The following OSER1 variants were observed in gnomAD, a reference collection of about 807,000 sequenced individuals.
OSER1 encodes the protein oxidative stress-responsive serine-rich protein 1.
OSER1 carries 15 observed loss-of-function variants against 26.3 expected under a neutral mutation model. The ratio of observed to expected loss-of-function variants is 0.57; its 90% confidence interval spans 0.38 to 0.88. OSER1 has a LOEUF of 0.88. OSER1 is among the 40% of genes least tolerant of loss of function. The pLI is 0.00. For missense variants in OSER1, 313 were observed against 353.9 expected, an observed-to-expected ratio of 0.88 and a Z score of 0.93; for synonymous variants, 127 against 128.2, an observed-to-expected ratio of 0.99 and a Z score of 0.07.
chr20:44,206,799 G>C, intron 2 of OSER1, 82 bp downstream of exon 2: 1 of 659,742 alleles, frequency 1.5e-6, no homozygotes, highest in Non-Finnish European at 2.7e-6. Flanking sequence ...AATATTAAAA[G>C]AGGAAGAGCT....
intron 1 of OSER1, among the ~76,000 whole-genome samples, chr20:44,209,560 G>T (rs1331067125): frequency 6.6e-6 from 1 of 152,174 alleles, no homozygotes; most frequent in Non-Finnish European, 1.5e-5. Flanking sequence ...GTGAACTCGT[G>T]AAGTTGAACA....
chr20:44,202,822 A>G (rs956294206), intron 3 of OSER1, 139 bp downstream of exon 3: 8 of 447,078 alleles, frequency 1.8e-5, no homozygotes, highest in Admixed American at 3.7e-5. Context: ...AAATTCAGCA[A>G]AAGAAGGAAT....
At chr20:44,203,306 G>A (rs2073002501) in intron 2 of OSER1, among the ~76,000 whole-genome samples, 1 of 152,108 alleles carries the variant, frequency 6.6e-6, no homozygotes, top group Non-Finnish European at 1.5e-5. Context: ...AGTGTACCCA[G>A]CAGCAGGATA....
intron 1 of OSER1, 135 bp from the exon 2 acceptor site, chr20:44,207,133 G>A: frequency 1.9e-6 from 1 of 514,394 alleles, no homozygotes; most frequent in South Asian, 3.0e-5. Flanking sequence ...GGAGACTATA[G>A]GTTTTATTTC....
At chr20:44,201,032 G>C (rs1237114834) in intron 3 of OSER1, among the ~76,000 whole-genome samples, 1 of 127,782 alleles carries the variant, frequency 7.8e-6, no homozygotes, top group Non-Finnish European at 1.5e-5. Flanking sequence ...TGAAAGCAAA[G>C]TACAGTCTTC....
Position 44,197,426 on chromosome 20 carries a change from C to T in OSER1, c.505G>A (p.Ala169Thr), listed in dbSNP as rs2072930955. Residue 169 changes from alanine to threonine, a missense_variant, in exon 4 of 4, where the codon GCT becomes ACT. By Grantham distance (58) the Ala-to-Thr change is moderately conservative. Around this residue, in one of 2 missense-constraint regions of OSER1, gnomAD observed 300 missense variants for 318.3 expected, o/e 0.94. Transcript: ENST00000255174. Reference sequence around the variant, plus strand: ...AGACTTGCTTGGGGGACTTGGGTAGCGTCAGAGGAGTCTTCCTTCTTACTC... The same window carrying T: ...AGACTTGCTTGGGGGACTTGGGTAGTGTCAGAGGAGTCTTCCTTCTTACTC... ...SESKKEDSSDATQVPQASLKA... is the reference protein window; with the variant it reads ...SESKKEDSSDTTQVPQASLKA... The T allele has an allele frequency of 6.2e-7, 1 of 1,614,170 alleles. No homozygotes were observed. The highest frequency in any genetic ancestry group is 1.1e-5 in the South Asian group (1 of 91,086).
intron 1 of OSER1, among the ~76,000 whole-genome samples, chr20:44,207,909 T>TA (rs1365738313): frequency 6.6e-6 from 1 of 152,222 alleles, no homozygotes; most frequent in Non-Finnish European, 1.5e-5. Flanking sequence ...AGAAGTCTGT[T>TA]AATAAACCCT....
At position 44,203,011 on chromosome 20, in the gene OSER1, T is replaced by C; in HGVS notation, c.141A>G (p.Thr47=). 1 of 1,613,670 alleles carries C rather than the reference T, an allele frequency of 6.2e-7. No individual in the cohort carries two copies. The highest frequency in any genetic ancestry group is 8.5e-7 in the Non-Finnish European group (1 of 1,179,548). ...TGVRAPVRTA[T]DDTKPKTTCA... ...ATGTGGTTTTAGGTTTGGTATCATCTGTTGCTGTTCTGACTGGTGCTCTGA... is the reference window on the plus strand; with the variant it reads ...ATGTGGTTTTAGGTTTGGTATCATCCGTTGCTGTTCTGACTGGTGCTCTGA... Residue 47 remains threonine, a synonymous_variant, in exon 3 of 4, where the codon ACA becomes ACG. Coordinates refer to ENST00000255174, the MANE Select transcript of OSER1 (RefSeq NM_016470.8).
At chr20:44,204,220 G>A (rs1311821991) in intron 2 of OSER1, among the ~76,000 whole-genome samples, 2 of 152,154 alleles carry the variant, frequency 1.3e-5, no homozygotes, top group Admixed American at 6.5e-5. Flanking sequence ...GTCCTAATAA[G>A]ACAAATACCA....
At chr20:44,205,179 G>C (rs1173381258) in intron 2 of OSER1, among the ~76,000 whole-genome samples, 1 of 152,212 alleles carries the variant, frequency 6.6e-6, no homozygotes, top group Non-Finnish European at 1.5e-5. Flanking sequence ...CAGGAAAGAA[G>C]TCCGTGTATC....
chr20:44,207,702 A>C (rs2073051604), intron 1 of OSER1: 1 of 152,214 alleles, frequency 6.6e-6, no homozygotes, highest in Non-Finnish European at 1.5e-5. Flanking sequence ...AAAAGAAAAC[A>C]AACAAACTTC....
chr20:44,210,027 A>G (rs1278075279), intron 1 of OSER1: 2 of 152,210 alleles, frequency 1.3e-5, no homozygotes, highest in Admixed American at 6.6e-5. Context: ...CGTGCAACCC[A>G]CTCATCCCTT....
intron 1 of OSER1, chr20:44,210,004 A>C (rs1346478340): frequency 6.6e-6 from 1 of 152,404 alleles, no homozygotes; most frequent in African/African-American, 2.4e-5. Context: ...CAAAAAGCAC[A>C]TTCACACCTC....
At chr20:44,210,314 G>C (rs937380633) in intron 1 of OSER1, among the ~76,000 whole-genome samples, 1 of 152,230 alleles carries the variant, frequency 6.6e-6, no homozygotes, top group African/African-American at 2.4e-5. Flanking sequence ...GAGAAGAAAG[G>C]AGTGGGGCCG....
intron 3 of OSER1, among the ~76,000 whole-genome samples, chr20:44,202,071 AC>A (rs2072987753): frequency 6.6e-6 from 1 of 152,208 alleles, no homozygotes; most frequent in Non-Finnish European, 1.5e-5. Context: ...ATACAAGAAC[AC>A]AGAACGCTTG....
At chr20:44,203,746 A>G (rs1279181562) in intron 2 of OSER1, among the ~76,000 whole-genome samples, 1 of 150,640 alleles carries the variant, frequency 6.6e-6, no homozygotes, top group African/African-American at 2.5e-5. Flanking sequence ...CCTACTATAC[A>G]TGCTATGGTG....
chr20:44,204,772 C>T (rs1258011822), intron 2 of OSER1, among the ~76,000 whole-genome samples: 1 of 151,926 alleles, frequency 6.6e-6, no homozygotes, highest in Non-Finnish European at 1.5e-5. Flanking sequence ...AATTTTTGAC[C>T]ATATATTTTG....
chr20:44,209,467 A>T (rs1470680370), intron 1 of OSER1, among the ~76,000 whole-genome samples: 1 of 152,242 alleles, frequency 6.6e-6, no homozygotes, highest in Non-Finnish European at 1.5e-5. Context: ...CTGTACAACT[A>T]ACTCCGGACA....
chr20:44,205,570 T>C (rs1333698435), intron 2 of OSER1, among the ~76,000 whole-genome samples: 1 of 152,214 alleles, frequency 6.6e-6, no homozygotes, highest in Non-Finnish European at 1.5e-5. Context: ...AACTAACATC[T>C]AGTTTTCACT....
Sources: allele counts gnomAD v4.1 joint callset (sites outside exome capture counted in the v4.1 genomes callset), GRCh38; gene constraint gnomAD v4.1.1; regional missense constraint gnomAD v4.1.1; transcripts MANE v1.5; gene names NCBI Gene and HGNC (gene_info 2026-07-23, HGNC 2026-07-21).